Variants in AMBRA1 observed in about 807,000 individuals in gnomAD.
AMBRA1 encodes activating molecule in BECN1-regulated autophagy protein 1.
In AMBRA1, 47 loss-of-function variants were observed where a neutral mutation model predicts 125.4. That is an observed-to-expected ratio of 0.37 (90% CI 0.30 to 0.48). The LOEUF is 0.48. AMBRA1 is among the 20% of genes least tolerant of loss of function. The pLI is 0.99. For missense variants in AMBRA1, 1,331 were observed against 1,693.4 expected (o/e 0.79, Z 3.76); for synonymous variants, 626 against 655.5 (o/e 0.95, Z 0.69).
intron 1 of AMBRA1, among the ~76,000 whole-genome samples, chr11:46,578,480 C>G (rs2044043596): frequency 6.7e-6 from 1 of 148,374 alleles, no homozygotes; most frequent in African/African-American, 2.5e-5. Flanking sequence ...GAGCAAGACT[C>G]CATCTAAAAA....
At chr11:46,486,844 T>G (rs1028227970) in intron 11 of AMBRA1, among the ~76,000 whole-genome samples, 2 of 151,824 alleles carry the variant, frequency 1.3e-5, no homozygotes, top group Non-Finnish European at 2.9e-5. Flanking sequence ...AGATGGAGGT[T>G]ACAGTGAGCC....
Position 46,488,293 on chromosome 11 carries a change from T to C in AMBRA1, c.2521+5315A>G, listed in dbSNP as rs1008725270. 6.6e-5 allele frequency among the ~76,000 whole-genome samples: 10 copies of C among 151,960 alleles called. 2 individuals are homozygous for C. Among genetic ancestry groups the C allele is most frequent in the Admixed American group, 1.3e-4 (2 of 15,260 alleles). On this transcript the variant is annotated intron_variant, in intron 11 of 17. Transcript: ENST00000683756. ...CAATATGGTGAAACCCCATCTCTAC[T>C]AAAAATACAAAAATTAGCCAGGCCT...
At chr11:46,563,490 G>A (rs1431590363) in intron 1 of AMBRA1, among the ~76,000 whole-genome samples, 1 of 152,266 alleles carries the variant, frequency 6.6e-6, no homozygotes, top group East Asian at 1.9e-4. Context: ...CTCCCAAAGT[G>A]CTGGGATTAC....
intron 7 of AMBRA1, among the ~76,000 whole-genome samples, chr11:46,526,752 A>G (rs2135114621): frequency 6.6e-6 from 1 of 152,170 alleles, no homozygotes; most frequent in African/African-American, 2.4e-5. Context: ...AACCATGAAA[A>G]ATAACTGAAT....
intron 14 of AMBRA1, among the ~76,000 whole-genome samples, chr11:46,427,784 G>A (rs999498136): frequency 3.9e-5 from 6 of 152,032 alleles, no homozygotes; most frequent in African/African-American, 1.2e-4. Flanking sequence ...AGAGGTGGGC[G>A]GATCACCTGA....
chr11:46,446,843 G>C (rs1050057629), intron 11 of AMBRA1, among the ~76,000 whole-genome samples: 15 of 152,240 alleles, frequency 9.9e-5, no homozygotes, highest in African/African-American at 1.9e-4. Context: ...AAGTGATGCT[G>C]TTATAGTCAT....
intron 1 of AMBRA1, among the ~76,000 whole-genome samples, chr11:46,569,428 T>TAAA (rs60592464): frequency 6.5e-4 from 82 of 127,050 alleles, no homozygotes; most frequent in Non-Finnish European, 9.1e-4. Context: ...ACTGAGAGAT[T>TAAA]AAAAAAAAAA....
intron 17 of AMBRA1, among the ~76,000 whole-genome samples, chr11:46,398,526 C>T (rs1311592187): frequency 1.3e-5 from 2 of 152,162 alleles, no homozygotes; most frequent in Non-Finnish European, 2.9e-5. Flanking sequence ...ACTCTTTCAC[C>T]CAGGCTGGAG....
chr11:46,420,179 T>A (rs1231714539), intron 14 of AMBRA1, among the ~76,000 whole-genome samples: 1 of 152,162 alleles, frequency 6.6e-6, no homozygotes, highest in African/African-American at 2.4e-5. Context: ...GGCAGCTGCA[T>A]TAGGAACCTC....
Position 46,405,811 on chromosome 11 carries a change from G to A in AMBRA1, c.3403+2702C>T, listed in dbSNP as rs115213649. Among the ~76,000 whole-genome samples the A allele has an allele frequency of 3.7e-3, 551 of 150,742 alleles. 2 individuals carry two copies. The highest frequency in any genetic ancestry group is 0.013 in the African/African-American group (529 of 41,020). Reference sequence around the variant, plus strand: ...CAGTGGCATATCACAGCTCACTGCAGTCGCCACCTTCCAGGCTCAAGCAAT... The same window carrying A: ...CAGTGGCATATCACAGCTCACTGCAATCGCCACCTTCCAGGCTCAAGCAAT... On this transcript the variant is annotated intron_variant, in intron 17 of 17. Transcript: ENST00000683756.
At chr11:46,458,963 T>C (rs1948972597) in intron 11 of AMBRA1, among the ~76,000 whole-genome samples, 1 of 152,212 alleles carries the variant, frequency 6.6e-6, no homozygotes, top group Non-Finnish European at 1.5e-5. Flanking sequence ...TAAAGGAGTT[T>C]TTAGTATGGC....
At position 46,471,269 on chromosome 11, in the gene AMBRA1, C is replaced by T. The variant is rs573443379; in HGVS notation, c.2521+22339G>A. 1.3e-4 allele frequency among the ~76,000 whole-genome samples: 20 copies of T among 152,074 alleles called. No homozygotes were observed. The South Asian group carries it at 4.0e-3, about 30-fold the overall frequency. On this transcript the variant is annotated intron_variant, in intron 11 of 17. Transcript: ENST00000683756. ...CCAGCCTGGCCAACATGGCAAAACC[C>T]CACCTCTGCTAAAAAATATAAAAAT...
intron 11 of AMBRA1, among the ~76,000 whole-genome samples, chr11:46,469,846 T>C (rs1949503563): frequency 6.6e-6 from 1 of 150,980 alleles, no homozygotes; most frequent in African/African-American, 2.4e-5. Context: ...AACTTTTTTT[T>C]TTTTTTTTTT....
chr11:46,438,000 T>C (rs1947812163), intron 12 of AMBRA1, among the ~76,000 whole-genome samples: 1 of 152,110 alleles, frequency 6.6e-6, no homozygotes, highest in South Asian at 2.1e-4. Context: ...AGAATTTGCA[T>C]TTCTAACAAA....
chr11:46,410,286 C>G lies in AMBRA1; in HGVS notation c.3199G>C (p.Glu1067Gln), dbSNP rs149732166. 6.2e-7 allele frequency: 1 copy of G among 1,613,760 alleles called. No homozygotes were observed. The highest frequency in any genetic ancestry group is 1.3e-5 in the African/African-American group (1 of 75,054). The change falls in exon 16 of 18, where the codon GAG (glutamate) becomes CAG (glutamine). Residue 1067 changes from glutamate to glutamine, a missense_variant. Glu to Gln is a conservative substitution (Grantham distance 29). This residue lies in a region of AMBRA1 where 354 missense variants were observed against 532.7 expected (regional missense o/e 0.66). Coordinates refer to ENST00000683756, the MANE Select transcript of AMBRA1 (RefSeq NM_001387011.1). ...FTVHSNSRSSERPGTSRATWR... is the reference protein window; with the variant it reads ...FTVHSNSRSSQRPGTSRATWR... ...ACTTCCCAAACATACCCAGGCCGCT[C>G]GCTGCTCCTGCTGTTGGAATGGACA...
intron 1 of AMBRA1, among the ~76,000 whole-genome samples, chr11:46,577,203 G>C (rs913276210): frequency 2.0e-5 from 3 of 152,182 alleles, no homozygotes; most frequent in Non-Finnish European, 4.4e-5. Flanking sequence ...GGCAGAAACA[G>C]CCCAAATGTT....
intron 11 of AMBRA1, among the ~76,000 whole-genome samples, chr11:46,484,283 T>C (rs1030144567): frequency 3.9e-5 from 6 of 152,238 alleles, no homozygotes; most frequent in Non-Finnish European, 8.8e-5. Flanking sequence ...TTCTAGATCA[T>C]TGCATTTGTT....
chr11:46,546,918 A>G (rs534339427), intron 4 of AMBRA1, 195 bp downstream of exon 4: 13 of 467,806 alleles, frequency 2.8e-5, no homozygotes, highest in Non-Finnish European at 4.1e-5. Flanking sequence ...TAAAAACACA[A>G]AAATGAGCCA....
rs755580265 is a variant in AMBRA1 at position 46,410,311 on chromosome 11, A to G, written c.3174T>C (p.Thr1058=). The change falls in exon 16 of 18, where the codon ACT becomes ACC. Residue 1058 remains threonine (T), a synonymous_variant. Transcript: ENST00000683756. ...YWDQLNETVF[T]VHSNSRSSER... is the part of the protein sequence containing the mutation. ...CGCTGCTCCTGCTGTTGGAATGGACAGTGAAGACCGTCTCGTTCAGCTGGT... is the reference window on the plus strand; with the variant it reads ...CGCTGCTCCTGCTGTTGGAATGGACGGTGAAGACCGTCTCGTTCAGCTGGT... 5.0e-6 allele frequency: 8 copies of G among 1,613,838 alleles called. No individual in the cohort carries two copies. The highest frequency in any genetic ancestry group is 1.3e-5 in the African/African-American group (1 of 74,932).
Sources: allele counts gnomAD v4.1 joint callset (sites outside exome capture counted in the v4.1 genomes callset), GRCh38; gene constraint gnomAD v4.1.1; regional missense constraint gnomAD v4.1.1; transcripts MANE v1.5; gene names NCBI Gene and HGNC (gene_info 2026-07-23, HGNC 2026-07-21).